The following ATP1A4 variants were observed in gnomAD, a reference collection of about 807,000 sequenced individuals.
ATP1A4 encodes the protein sodium/potassium-transporting ATPase subunit alpha-4.
In ATP1A4, 90 loss-of-function variants were observed where a neutral mutation model predicts 114.3. That is an observed-to-expected ratio of 0.79 (90% CI 0.66 to 0.94). ATP1A4 has a LOEUF of 0.94. Ranked by LOEUF, ATP1A4 falls within the 40% of genes least tolerant of loss-of-function variation. The probability of loss-of-function intolerance (pLI) is 0.00; values close to 1 mark genes in which losing one functional copy is unlikely to be tolerated. For synonymous variants in ATP1A4, 511 were observed against 494.1 expected (o/e 1.03, Z -0.45); for missense variants, 1,222 against 1,313.6 (o/e 0.93, Z 1.08).
chr1:160,159,199 T>C, intron 5 of ATP1A4, 63 bp downstream of exon 5: 2 of 1,570,226 alleles, frequency 1.3e-6, no homozygotes, highest in East Asian at 2.2e-5. Flanking sequence ...GGTAGACACC[T>C]GGGCCGTTAG....
chr1:160,171,826 G>T (rs529929645), intron 12 of ATP1A4, 69 bp downstream of exon 12: 2 of 1,496,410 alleles, frequency 1.3e-6, no homozygotes, highest in Non-Finnish European at 1.8e-6. Flanking sequence ...AAGGCCTTGC[G>T]CAGAGTAGAT....
intron 17 of ATP1A4, 99 bp downstream of exon 17, chr1:160,176,701 C>T: frequency 6.6e-7 from 1 of 1,505,162 alleles, no homozygotes. Context: ...GATATTTTCT[C>T]AGCAACAAAC....
intron 2 of ATP1A4, 107 bp downstream of exon 2, chr1:160,153,331 G>A (rs539224253): frequency 2.9e-5 from 28 of 974,740 alleles, no homozygotes; most frequent in Middle Eastern, 3.1e-4. Flanking sequence ...CAAGTCCAAC[G>A]TTCCCACCCC....
intron 8 of ATP1A4, 64 bp from the exon 9 acceptor site, chr1:160,166,904 G>T: frequency 1.3e-6 from 2 of 1,556,914 alleles, no homozygotes; most frequent in Non-Finnish European, 8.9e-7. Flanking sequence ...CAAAGAGGAT[G>T]TGAATAACCG....
At chr1:160,177,720 G>C in intron 18 of ATP1A4, 56 bp downstream of exon 18, 3 of 1,596,576 alleles carry the variant, frequency 1.9e-6, no homozygotes, top group Non-Finnish European at 2.6e-6. Context: ...AGTGACAGGG[G>C]AGAGTGAGTG....
chr1:160,176,989 G>T (rs970900546), intron 17 of ATP1A4, among the ~76,000 whole-genome samples: 2 of 152,142 alleles, frequency 1.3e-5, no homozygotes, highest in African/African-American at 4.8e-5. Flanking sequence ...CCAAAGGAGT[G>T]GGGAATTTCA....
intron 10 of ATP1A4, among the ~76,000 whole-genome samples, chr1:160,167,795 G>T (rs1270722550): frequency 6.6e-6 from 1 of 152,194 alleles, no homozygotes; most frequent in East Asian, 1.9e-4. Flanking sequence ...TGCAGTATTA[G>T]GTTGCATTTG....
At position 160,181,724 on chromosome 1, in the gene ATP1A4, C is replaced by T. The variant is rs1397211130; in HGVS notation, c.2777C>T (p.Thr926Met). The T allele has an allele frequency of 3.7e-6, 6 of 1,614,126 alleles. No individual in the cohort carries two copies. The highest frequency in any genetic ancestry group is 1.3e-5 in the African/African-American group (1 of 75,012). Reference sequence around the variant, plus strand: ...AAAGTTGTGGAGTTCACATGCCAAACGGCCTTTTTTGTCACCATCGTGGTT... The same window carrying T: ...AAAGTTGTGGAGTTCACATGCCAAATGGCCTTTTTTGTCACCATCGTGGTT... Reference protein sequence around the residue: ...QRKVVEFTCQTAFFVTIVVVQ... With the variant: ...QRKVVEFTCQMAFFVTIVVVQ... The change falls in exon 19 of 22, where the codon ACG (threonine) becomes ATG (methionine). Residue 926 changes from threonine to methionine, a missense_variant. By Grantham distance (81) the Thr-to-Met change is moderately conservative. Transcript: ENST00000368081.
intron 17 of ATP1A4, among the ~76,000 whole-genome samples, chr1:160,176,982 A>T (rs1282231471): frequency 6.6e-6 from 1 of 152,178 alleles, no homozygotes; most frequent in African/African-American, 2.4e-5. Context: ...TGGGAGACCA[A>T]AGGAGTGGGG....
chr1:160,178,554 A>G (rs956196645), intron 18 of ATP1A4, among the ~76,000 whole-genome samples: 27 of 152,088 alleles, frequency 1.8e-4, no homozygotes, highest in African/African-American at 6.5e-4. Context: ...GGGTGCCTGT[A>G]ATCCCAGCTA....
intron 6 of ATP1A4, 72 bp downstream of exon 6, chr1:160,159,598 T>C (rs199991222): frequency 1.5e-6 from 2 of 1,372,756 alleles, no homozygotes; most frequent in East Asian, 2.3e-5. Context: ...ATAACTGTCT[T>C]CTAAAGGTAG....
chr1:160,158,959 A>G, intron 4 of ATP1A4, 43 bp from the exon 5 acceptor site: 1 of 1,592,738 alleles, frequency 6.3e-7, no homozygotes, highest in Non-Finnish European at 8.6e-7. Context: ...GGGATGAGGA[A>G]AGCCAAAAGT....
intron 5 of ATP1A4, 69 bp from the exon 6 acceptor site, chr1:160,159,340 C>T (rs1652786261): frequency 2.1e-6 from 3 of 1,429,074 alleles, no homozygotes; most frequent in East Asian, 4.6e-5. Flanking sequence ...TGAAGACATA[C>T]TATTTTTGTA....
intron 17 of ATP1A4, among the ~76,000 whole-genome samples, chr1:160,177,078 G>A (rs889086473): frequency 6.6e-6 from 1 of 152,212 alleles, no homozygotes; most frequent in Non-Finnish European, 1.5e-5. Flanking sequence ...AAATAAGACT[G>A]TAGACAGAGA....
intron 14 of ATP1A4, 140 bp downstream of exon 14, chr1:160,174,401 T>G: frequency 7.0e-7 from 1 of 1,428,916 alleles, no homozygotes; most frequent in Non-Finnish European, 9.4e-7. Flanking sequence ...ATGGTGGCCT[T>G]CAGTTTGGGG....
intron 20 of ATP1A4, among the ~76,000 whole-genome samples, chr1:160,185,918 C>CAAAA (rs564826958): frequency 1.0e-5 from 1 of 96,132 alleles, no homozygotes; most frequent in Non-Finnish European, 2.2e-5. Context: ...GACTCCGTCT[C>CAAAA]AAAAAAAAAA....
rs537408077 is a variant in ATP1A4 at position 160,171,532 on chromosome 1, T to C, written c.1682-53T>C. 9.8e-5 allele frequency: 156 copies of C among 1,599,042 alleles called. No homozygotes were observed. In the African/African-American group the frequency reaches 1.6e-3, roughly 16 times the overall value. On this transcript the variant is annotated intron_variant, in intron 11 of 21. Transcript: ENST00000368081. Reference sequence around the variant, plus strand: ...AATCAAGGATGTTGGGGTAAGCAGATAGGAATGTAGAGTGCTGGATGACTA... The same window carrying C: ...AATCAAGGATGTTGGGGTAAGCAGACAGGAATGTAGAGTGCTGGATGACTA...
intron 15 of ATP1A4, among the ~76,000 whole-genome samples, 189 bp from the exon 16 acceptor site, chr1:160,175,903 C>A (rs767639488): frequency 6.6e-6 from 1 of 152,126 alleles, no homozygotes; most frequent in Non-Finnish European, 1.5e-5. Flanking sequence ...ACAAACAGTA[C>A]ACAGACGGCA....
chr1:160,171,895 A>T (rs555853567), intron 12 of ATP1A4, 138 bp downstream of exon 12: 3 of 854,536 alleles, frequency 3.5e-6, no homozygotes, highest in African/African-American at 3.4e-5. Flanking sequence ...ATGATTTTTA[A>T]TTAATAGTAA....
Sources: allele counts gnomAD v4.1 joint callset (sites outside exome capture counted in the v4.1 genomes callset), GRCh38; gene constraint gnomAD v4.1.1; transcripts MANE v1.5; gene names NCBI Gene and HGNC (gene_info 2026-07-23, HGNC 2026-07-21).